Variants in STAT4 observed in about 807,000 individuals in gnomAD.
The protein encoded by STAT4 is signal transducer and activator of transcription 4.
Under a neutral mutation model 110.5 loss-of-function variants are expected in STAT4, and 42 were observed. That is an observed-to-expected ratio of 0.38 (90% CI 0.30 to 0.49). STAT4 has a LOEUF of 0.49. STAT4 is among the 20% of genes least tolerant of loss of function. The pLI is 0.95. For synonymous variants in STAT4, 284 were observed against 302.2 expected (o/e 0.94, Z 0.63); for missense variants, 632 against 887.9 (o/e 0.71, Z 3.66).
At chr2:191,081,132 G>A (rs1697462667) in intron 3 of STAT4, among the ~76,000 whole-genome samples, 1 of 152,106 alleles carries the variant, frequency 6.6e-6, no homozygotes, top group Non-Finnish European at 1.5e-5. Flanking sequence ...GAGAACGATG[G>A]CTTCCAGCTT....
At chr2:191,137,279 G>A (rs554963691) in intron 3 of STAT4, among the ~76,000 whole-genome samples, 2 of 152,234 alleles carry the variant, frequency 1.3e-5, no homozygotes, top group East Asian at 1.9e-4. Flanking sequence ...GTTGCAGTGA[G>A]CTGAGATTGT....
chr2:191,054,408 C>A, intron 14 of STAT4, 82 bp downstream of exon 14: 2 of 1,125,878 alleles, frequency 1.8e-6, no homozygotes, highest in South Asian at 3.0e-5. Flanking sequence ...TATATGAAGT[C>A]AAGCAGTTTA....
intron 3 of STAT4, chr2:191,121,996 T>C (rs1698749631): frequency 6.6e-6 from 1 of 151,908 alleles, no homozygotes; most frequent in African/African-American, 2.4e-5. Flanking sequence ...AGATACAGAG[T>C]AGATTAGCAT....
At position 191,091,852 on chromosome 2, in the gene STAT4, A is replaced by G. The variant is rs1468461407; in HGVS notation, c.274-15527T>C. On this transcript the variant is annotated intron_variant, in intron 3 of 23. Transcript: ENST00000392320. The surrounding 1 kb of genome is among the most constrained non-coding windows in gnomAD (Gnocchi z 5.4). Reference sequence around the variant, plus strand: ...CTTACTTTTAACCAATTAACCATCAAGTTCATTGTCTCTAAGCTGAAGGGA... The same window carrying G: ...CTTACTTTTAACCAATTAACCATCAGGTTCATTGTCTCTAAGCTGAAGGGA... 6.6e-6 allele frequency among the ~76,000 whole-genome samples: 1 copy of G among 152,190 alleles called. No homozygotes were observed. The highest frequency in any genetic ancestry group is 2.4e-5 in the African/African-American group (1 of 41,436).
rs1290673700 is a variant in STAT4, at chr2:191,030,705, T to C, written c.2220+267A>G. On this transcript the variant is annotated intron_variant, in intron 23 of 23. Coordinates refer to ENST00000392320, the MANE Select transcript of STAT4 (RefSeq NM_003151.4). This position sits in a 1 kb window ranked among gnomAD's most constrained non-coding sequence, Gnocchi z 4.4. ...TGCAAGCAGCGATAGTGTGCTTGAG[T>C]AGGGTATAGGAATATTTTGCCCTCT... is the stretch of plus-strand genomic sequence containing the variant. 3.0e-6 allele frequency: 1 copy of C among 336,048 alleles called. No homozygotes were observed. Among genetic ancestry groups the C allele is most frequent in the Non-Finnish European group, 5.7e-6 (1 of 176,976 alleles). The allele number at this position is 336,048 out of a possible 1,614,324, so 20.8% of individuals were successfully genotyped here.
chr2:191,083,842 C>T lies in STAT4; in HGVS notation c.274-7517G>A, dbSNP rs995701774. Among the ~76,000 whole-genome samples the T allele has an allele frequency of 5.9e-5, 9 of 151,886 alleles. No individual in the cohort carries two copies. The highest frequency in any genetic ancestry group is 2.1e-4 in the South Asian group (1 of 4,828). Reference sequence around the variant, plus strand: ...AATAAGCCCAAATGCCTTTCAAGTTCGCATGATTTTAGTAATCTTTGATGA... The same window carrying T: ...AATAAGCCCAAATGCCTTTCAAGTTTGCATGATTTTAGTAATCTTTGATGA... On this transcript the variant is annotated intron_variant, in intron 3 of 23. Coordinates refer to ENST00000392320, the MANE Select transcript of STAT4 (RefSeq NM_003151.4). The surrounding 1 kb of genome is among the most constrained non-coding windows in gnomAD (Gnocchi z 4.6).
At position 191,105,203 on chromosome 2, in the gene STAT4, C is replaced by T. The variant is rs112878759; in HGVS notation, c.274-28878G>A. On this transcript the variant is annotated intron_variant, in intron 3 of 23. Transcript: ENST00000392320. ...TAGCCTGGCTTGTCACCATCTTCCT[C>T]GTTCCCTGCTTTTGCCCTTGCTCAC... Among the ~76,000 whole-genome samples the T allele has an allele frequency of 8.0e-3, 1,225 of 152,300 alleles. 19 individuals are homozygous for T. The highest frequency in any genetic ancestry group is 0.028 in the African/African-American group (1,183 of 41,570).
intron 3 of STAT4, among the ~76,000 whole-genome samples, chr2:191,108,448 C>T (rs987687974): frequency 3.3e-5 from 5 of 152,170 alleles, no homozygotes; most frequent in Admixed American, 6.6e-5. Flanking sequence ...GATTCTTTCA[C>T]TTGCACATAT....
At position 191,036,102 on chromosome 2, in the gene STAT4, G is replaced by A. The variant is rs1311478190; in HGVS notation, c.1570+62C>T. The stretch of plus-strand genomic sequence containing the variant: ...TATTAGTAGTAGTAATAGCGTCCTG[G>A]TTATTTAAAATGCCTGAGGGCCAAA... On this transcript the variant is annotated intron_variant, in intron 17 of 23. Coordinates refer to ENST00000392320, the MANE Select transcript of STAT4 (RefSeq NM_003151.4). 10 of 1,578,126 alleles carry A rather than the reference G, an allele frequency of 6.3e-6. 1 individual carries two copies. Among genetic ancestry groups the A allele is most frequent in the South Asian group, 5.8e-5 (5 of 86,552 alleles).
intron 3 of STAT4, among the ~76,000 whole-genome samples, chr2:191,126,796 T>C (rs1698893867): frequency 6.6e-6 from 1 of 152,206 alleles, no homozygotes; most frequent in Non-Finnish European, 1.5e-5. Context: ...CATGAAATAG[T>C]TTCCCCTCAC....
intron 14 of STAT4, among the ~76,000 whole-genome samples, chr2:191,049,740 C>T (rs1696466287): frequency 6.6e-6 from 1 of 152,114 alleles, no homozygotes; most frequent in Non-Finnish European, 1.5e-5. Context: ...GTGGTCTAAT[C>T]ACATGAGAGA....
In STAT4 at chr2:191,110,500, T is replaced by C. The variant is rs10193465; in HGVS notation, c.274-34175A>G. Among the ~76,000 whole-genome samples the C allele has an allele frequency of 0.65, 98,642 of 152,034 alleles. 32,341 individuals are homozygous for C. Among genetic ancestry groups the C allele is most frequent in the South Asian group, 0.78 (3,761 of 4,818 alleles). On this transcript the variant is annotated intron_variant, in intron 3 of 23. Coordinates refer to ENST00000392320, the MANE Select transcript of STAT4 (RefSeq NM_003151.4). The surrounding 1 kb of genome is among the most constrained non-coding windows in gnomAD (Gnocchi z 4.5). ...GCAACGGGCTGAGGGAAGCCAGACT[T>C]TAGCCTATCTGACATCCACGGGTAT...
At chr2:191,074,198 T>G (rs2125261765) in intron 4 of STAT4, among the ~76,000 whole-genome samples, 1 of 152,352 alleles carries the variant, frequency 6.6e-6, no homozygotes, top group African/African-American at 2.4e-5. Context: ...GGTGTGTTCC[T>G]TAGATAAAAA....
intron 7 of STAT4, among the ~76,000 whole-genome samples, chr2:191,065,769 C>A (rs1482717245): frequency 6.6e-6 from 1 of 152,094 alleles, no homozygotes; most frequent in Non-Finnish European, 1.5e-5. Context: ...CAAATTCCTG[C>A]ACAAAAAATT....
intron 3 of STAT4, among the ~76,000 whole-genome samples, chr2:191,141,454 T>TATGTATATACATATACATATGTATATAC (rs1699324821): frequency 7.0e-5 from 2 of 28,730 alleles, no homozygotes; most frequent in Admixed American, 4.5e-4. Flanking sequence ...GTATATCACA[T>TATGTATATACATATACATATGTATATAC]ATATACATAT....
At chr2:191,095,914 C>T (rs1333298125) in intron 3 of STAT4, among the ~76,000 whole-genome samples, 1 of 151,910 alleles carries the variant, frequency 6.6e-6, no homozygotes, top group Non-Finnish European at 1.5e-5. Flanking sequence ...CATACAGATG[C>T]AATAAAAAAT....
chr2:191,038,394 A>G (rs1223147853), intron 16 of STAT4, among the ~76,000 whole-genome samples: 2 of 152,216 alleles, frequency 1.3e-5, no homozygotes, highest in Non-Finnish European at 2.9e-5. Flanking sequence ...GAACACTAAC[A>G]GCTGATTCAT....
intron 3 of STAT4, among the ~76,000 whole-genome samples, chr2:191,124,705 ATCTGTG>A (rs1559077994): frequency 6.6e-6 from 1 of 152,210 alleles, no homozygotes; most frequent in South Asian, 2.1e-4. Flanking sequence ...GTGCATCAAT[ATCTGTG>A]TCTATCTATG....
chr2:191,146,558 C>G lies in STAT4; in HGVS notation c.273+55G>C. On this transcript the variant is annotated intron_variant, in intron 3 of 23. Coordinates refer to ENST00000392320, the MANE Select transcript of STAT4 (RefSeq NM_003151.4). The surrounding 1 kb of genome is among the most constrained non-coding windows in gnomAD (Gnocchi z 4.5). ...ATAAGGGTACATATTTAATTTTTAA[C>G]TAAATTTAAGACTCATATATCCAAA... 1 of 1,334,364 alleles carries G rather than the reference C, an allele frequency of 7.5e-7. No homozygotes were observed. The highest frequency in any genetic ancestry group is 2.2e-5 in the South Asian group (1 of 44,840). The allele number at this position is 1,334,364 out of a possible 1,614,324, so 82.7% of individuals were successfully genotyped here. A position where few individuals can be genotyped will look rare whatever the true frequency, so the allele number is the denominator to read the frequency against.
Sources: gnomAD v4.1 joint callset for allele counts (sites outside exome capture counted in the v4.1 genomes callset) on GRCh38, gnomAD v4.1.1 for gene constraint, Gnocchi (gnomAD v3.1) non-coding constraint, MANE v1.5 for transcripts, NCBI Gene and HGNC (gene_info 2026-07-23, HGNC 2026-07-21) for gene names.